Variants in BORCS5 observed in about 807,000 individuals in gnomAD.
BORCS5 encodes the protein BLOC-1-related complex subunit 5.
Under a neutral mutation model 22.1 loss-of-function variants are expected in BORCS5, and 17 were observed. The observed-to-expected ratio is 0.77, with a 90% CI of 0.53 to 1.15. BORCS5 has a LOEUF of 1.15. Among genes scored for constraint, BORCS5 ranks in the 50% most tolerant of loss-of-function variants. The pLI is 0.00. For missense variants in BORCS5, 247 were observed against 253.2 expected (o/e 0.98, Z 0.17); for synonymous variants, 117 against 99.8 (o/e 1.17, Z -1.03).
intron 2 of BORCS5, among the ~76,000 whole-genome samples, chr12:12,396,247 G>A (rs940601178): frequency 1.3e-5 from 2 of 152,164 alleles, no homozygotes; most frequent in Admixed American, 6.5e-5. Context: ...TCGGCCTCCC[G>A]AAGTGCTAGG....
rs573647977 is a variant in BORCS5, at chr12:12,445,985, A to C, written c.360+10200A>C. On this transcript the variant is annotated intron_variant, in intron 3 of 3. Transcript: ENST00000314565. ...TGTTTTGTTTTCTCACAGTATGTGA[A>C]TCTCATAAGAGTTCCATCTCCCTGC... Among the ~76,000 whole-genome samples the C allele has an allele frequency of 1.6e-4, 24 of 152,184 alleles. No homozygotes were observed. The East Asian group carries it at 3.5e-3, about 22-fold the overall frequency.
At chr12:12,432,720 A>G (rs567165398) in intron 2 of BORCS5, among the ~76,000 whole-genome samples, 3 of 152,246 alleles carry the variant, frequency 2.0e-5, no homozygotes, top group Non-Finnish European at 4.4e-5. Flanking sequence ...TTGATATATC[A>G]ACAACATAGA....
chr12:12,422,768 A>G (rs1942168627), intron 2 of BORCS5, among the ~76,000 whole-genome samples: 1 of 152,168 alleles, frequency 6.6e-6, no homozygotes, highest in Non-Finnish European at 1.5e-5. Context: ...TGTCCAAAAT[A>G]TAAACTAATA....
chr12:12,419,513 A>G (rs895776001), intron 2 of BORCS5, among the ~76,000 whole-genome samples: 2 of 152,202 alleles, frequency 1.3e-5, no homozygotes, highest in African/African-American at 4.8e-5. Context: ...ATATGTGTGC[A>G]TGTGTCTTTA....
rs1863151489 is a variant in BORCS5 at position 12,357,087 on chromosome 12, C to T, written c.-365C>T. ...GTAGCCGGCACCGCCCATCTGCGTC[C>T]CGGAAGGAGCGAGCTTGCGGAGCGT... is the stretch of plus-strand genomic sequence containing the variant. On this transcript the variant is annotated 5_prime_UTR_variant, in exon 1 of 4. Coordinates refer to ENST00000314565, the MANE Select transcript of BORCS5 (RefSeq NM_058169.6). 6.5e-6 allele frequency: 10 copies of T among 1,533,894 alleles called. No individual in the cohort carries two copies. The highest frequency in any genetic ancestry group is 7.0e-6 in the Non-Finnish European group (8 of 1,145,598).
chr12:12,452,174 A>G, intron 3 of BORCS5: 2 of 580,986 alleles, frequency 3.4e-6, no homozygotes, highest in South Asian at 2.8e-5. Context: ...GGATCTCAGG[A>G]AGATTCACAT....
intron 2 of BORCS5, among the ~76,000 whole-genome samples, chr12:12,393,268 A>G (rs1165745904): frequency 6.6e-6 from 1 of 151,940 alleles, no homozygotes; most frequent in Non-Finnish European, 1.5e-5. Context: ...TTTCTGGACA[A>G]TGACTTCTAT....
chr12:12,426,265 G>A (rs1024164305), intron 2 of BORCS5, among the ~76,000 whole-genome samples: 4 of 152,186 alleles, frequency 2.6e-5, no homozygotes, highest in African/African-American at 7.2e-5. Context: ...ACAGAGAATC[G>A]TGCTATATTG....
At chr12:12,408,682 G>C (rs778934610) in intron 2 of BORCS5, among the ~76,000 whole-genome samples, 4 of 152,136 alleles carry the variant, frequency 2.6e-5, no homozygotes, top group Non-Finnish European at 4.4e-5. Context: ...ACTTCACTTA[G>C]TGTAATGTCC....
intron 2 of BORCS5, among the ~76,000 whole-genome samples, chr12:12,434,281 CAAAAAA>C (rs139357200): frequency 1.3e-5 from 1 of 76,586 alleles, no homozygotes; most frequent in Non-Finnish European, 2.4e-5. Context: ...GACTCTGTCT[CAAAAAA>C]AAAAAAAAAA....
intron 3 of BORCS5, among the ~76,000 whole-genome samples, chr12:12,437,450 T>C (rs1374233457): frequency 6.6e-6 from 1 of 152,214 alleles, no homozygotes. Context: ...GTTTACCAAA[T>C]GATACAATGC....
rs934432504 is a variant in BORCS5 at position 12,385,427 on chromosome 12, G to T, written c.202+24078G>T. The stretch of plus-strand genomic sequence containing the variant: ...TGTTCTCATTACCTGTCCCATTCTG[G>T]TACAACATCTGCTTCAACTGAGGCA... On this transcript the variant is annotated intron_variant, in intron 2 of 3. Transcript: ENST00000314565. Among the ~76,000 whole-genome samples the T allele has an allele frequency of 2.2e-4, 34 of 151,308 alleles. 1 individual carries two copies. Among genetic ancestry groups the T allele is most frequent in the African/African-American group, 6.8e-4 (28 of 41,166 alleles).
At position 12,373,010 on chromosome 12, in the gene BORCS5, T is replaced by TC. The variant is rs559788103; in HGVS notation, c.202+11667dup. 3.4e-4 allele frequency among the ~76,000 whole-genome samples: 52 copies of TC among 152,138 alleles called. 1 individual carries two copies. In the East Asian group the frequency reaches 9.1e-3, roughly 27 times the overall value. ...CTGCTATGGACTGAATGATTATGTC[T>TC]CCCCCCAATTCACAGGTTGAAATTG... is the stretch of plus-strand genomic sequence containing the variant. On this transcript the variant is annotated intron_variant, in intron 2 of 3. Transcript: ENST00000314565.
chr12:12,385,360 A>G (rs565210613), intron 2 of BORCS5, among the ~76,000 whole-genome samples: 4 of 151,418 alleles, frequency 2.6e-5, no homozygotes, highest in African/African-American at 9.7e-5. Context: ...TATTGTTCCA[A>G]ATAAGTCAGC....
chr12:12,410,420 G>T (rs1256303355), intron 2 of BORCS5, among the ~76,000 whole-genome samples: 1 of 152,184 alleles, frequency 6.6e-6, no homozygotes, highest in Non-Finnish European at 1.5e-5. Flanking sequence ...GTAAGGAAGG[G>T]ATCCAGTTTC....
chr12:12,459,928 C>G (rs1396915503), intron 3 of BORCS5, among the ~76,000 whole-genome samples: 1 of 152,182 alleles, frequency 6.6e-6, no homozygotes, highest in Non-Finnish European at 1.5e-5. Context: ...CCACACTATC[C>G]TGATTACTGT....
chr12:12,401,771 A>T (rs2136073596), intron 2 of BORCS5, among the ~76,000 whole-genome samples: 1 of 152,198 alleles, frequency 6.6e-6, no homozygotes, highest in East Asian at 1.9e-4. Context: ...TGAAAACATC[A>T]TCTAAGGCCA....
Position 12,466,574 on chromosome 12 carries a change from GAAA to G in BORCS5, c.*802_*804del, listed in dbSNP as rs1432867019. ...AGCCTCAGGCCTTCATTTCTGAAAA[GAAA>G]AAAGCTCAAAAAGCTGCTGAATTTC... On this transcript the variant is annotated 3_prime_UTR_variant, in exon 4 of 4. Coordinates refer to ENST00000314565, the MANE Select transcript of BORCS5 (RefSeq NM_058169.6). 6.6e-6 allele frequency: 1 copy of G among 152,158 alleles called. No individual in the cohort carries two copies. The highest frequency in any genetic ancestry group is 1.9e-4 in the East Asian group (1 of 5,198). 9.4% of individuals were successfully genotyped at this position (152,158 alleles called of 1,614,324 possible).
intron 2 of BORCS5, among the ~76,000 whole-genome samples, chr12:12,370,031 C>T (rs1863491287): frequency 6.6e-6 from 1 of 151,510 alleles, no homozygotes; most frequent in Non-Finnish European, 1.5e-5. Flanking sequence ...GGCCCACCTT[C>T]ACTTCTTTGT....
Sources: allele counts gnomAD v4.1 joint callset (sites outside exome capture counted in the v4.1 genomes callset), GRCh38; gene constraint gnomAD v4.1.1; transcripts MANE v1.5; gene names NCBI Gene and HGNC (gene_info 2026-07-23, HGNC 2026-07-21).